The following MPP2 variants were observed in gnomAD, a reference collection of about 807,000 sequenced individuals.
MPP2 encodes the protein MAGUK p55 scaffold protein 2.
A neutral mutation model predicts 58.5 loss-of-function variants in MPP2; 42 were observed. That is an observed-to-expected ratio of 0.72 (90% CI 0.56 to 0.93). The LOEUF (loss-of-function observed/expected upper bound fraction) is 0.93. MPP2 is among the 40% of genes least tolerant of loss of function. The pLI is 0.00. For synonymous variants in MPP2, 300 were observed against 307.8 expected (o/e 0.97, Z 0.26); for missense variants, 632 against 760.4 (o/e 0.83, Z 1.99).
At chr17:43,907,453 C>CG in intron 1 of MPP2, 21 bp downstream of exon 1, 1 of 985,566 alleles carries the variant, frequency 1.0e-6, no homozygotes, top group South Asian at 4.7e-5. Context: ...GGAGCTGGCC[C>CG]GGGGGCCGGG....
chr17:43,885,122 CAA>C (rs540949072), intron 3 of MPP2, among the ~76,000 whole-genome samples: 35 of 60,476 alleles, frequency 5.8e-4, no homozygotes, highest in Admixed American at 1.0e-3. Context: ...AACTCCAGCT[CAA>C]AAAAAAAAAA....
chr17:43,901,498 C>T (rs2048095062), intron 2 of MPP2: 2 of 985,340 alleles, frequency 2.0e-6, no homozygotes, highest in Admixed American at 1.2e-4. Flanking sequence ...ATCTTGTGCC[C>T]AAGAGGCCAC....
chr17:43,909,487 A>G, upstream of MPP2: 1 of 1,109,588 alleles, frequency 9.0e-7, no homozygotes, highest in Non-Finnish European at 1.2e-6. Flanking sequence ...TTGGAAGAGG[A>G]AGGATCTTGA....
In MPP2 at chr17:43,879,967, T is replaced by A. The variant is rs760356782; in HGVS notation, c.1168A>T (p.Lys390Ter). The change falls in exon 11 of 13, where the codon AAA becomes TAA. Residue 390 changes from lysine (K) to a stop codon, truncating the protein, a stop_gained. Coordinates refer to ENST00000269095, the MANE Select transcript of MPP2 (RefSeq NM_005374.5). LOFTEE classifies it high-confidence loss of function. This position sits in a 1 kb window ranked among gnomAD's most constrained non-coding sequence, Gnocchi z 4.1. ...CCCTGACCTTCCCGCTCTGAGTCTT[T>A]CGGCCGCCGGGAGGTGTCTAGGGGG... ...TTVPYTSRRP[K>*]DSEREGQGYS... is the part of the protein sequence containing the mutation. The A allele has an allele frequency of 6.2e-7, 1 of 1,613,992 alleles. No individual in the cohort carries two copies. The highest frequency in any genetic ancestry group is 8.5e-7 in the Non-Finnish European group (1 of 1,179,962).
chr17:43,901,565 AT>A (rs2143774662), intron 2 of MPP2: 3 of 985,484 alleles, frequency 3.0e-6, no homozygotes, highest in Non-Finnish European at 3.6e-6. Flanking sequence ...ACCAGGTCGC[AT>A]TGCACCCCTG....
intron 1 of MPP2, among the ~76,000 whole-genome samples, 183 bp from the exon 2 acceptor site, chr17:43,904,676 C>T (rs531680768): frequency 3.8e-4 from 58 of 152,242 alleles, no homozygotes; most frequent in Non-Finnish European, 6.6e-4. Flanking sequence ...AGGTATTACT[C>T]GCCTATTTCT....
At chr17:43,889,487 C>T (rs1268143355) in intron 3 of MPP2, among the ~76,000 whole-genome samples, 1 of 151,606 alleles carries the variant, frequency 6.6e-6, no homozygotes, top group Non-Finnish European at 1.5e-5. Context: ...CTTAGCCTCT[C>T]GAGTAGCTGG....
chr17:43,880,706 C>A lies in MPP2; in HGVS notation c.1135G>T (p.Gly379Cys). 1 of 1,611,796 alleles carries A rather than the reference C, an allele frequency of 6.2e-7. No homozygotes were observed. The highest frequency in any genetic ancestry group is 8.5e-7 in the Non-Finnish European group (1 of 1,178,510). ...TCCCACTCACAGGGCACCGTGGTGC[C>A]ATAGCGATCTGGATCCCACATGATG... ...KLIMWDPDRY[G>C]TTVPYTSRRP... is the part of the protein sequence containing the mutation. The change falls in exon 10 of 13, where the codon GGC (glycine) becomes TGC (cysteine). Residue 379 changes from glycine to cysteine, a missense_variant. Gly to Cys is a radical substitution (Grantham distance 159). Coordinates refer to ENST00000269095, the MANE Select transcript of MPP2 (RefSeq NM_005374.5). The surrounding 1 kb of genome is among the most constrained non-coding windows in gnomAD (Gnocchi z 5.2).
intron 5 of MPP2, 33 bp downstream of exon 5, chr17:43,882,870 C>T (rs761333192): frequency 1.2e-6 from 2 of 1,612,550 alleles, no homozygotes; most frequent in South Asian, 1.1e-5. Flanking sequence ...CCCACCCTCA[C>T]CAGCACCACC....
chr17:43,906,451 C>T (rs1218984984), intron 1 of MPP2, among the ~76,000 whole-genome samples: 1 of 152,362 alleles, frequency 6.6e-6, no homozygotes, highest in East Asian at 1.9e-4. Flanking sequence ...AGCTCTGCCT[C>T]CGAGATATCC....
intron 2 of MPP2, chr17:43,900,419 G>A (rs1015710961): frequency 1.2e-5 from 18 of 1,537,526 alleles, no homozygotes; most frequent in African/African-American, 1.4e-5. Flanking sequence ...GCTGGAGGAA[G>A]GTAGGCTAAG....
At position 43,876,993 on chromosome 17, in the gene MPP2, A is replaced by G. The variant is rs11544389; in HGVS notation, c.*814T>C. ...AGAGCTTGGGGCTCTTCAGTTGGTAACAGCAGGTTGTCACAGGGCTCAGCC... is the reference window on the plus strand; with the variant it reads ...AGAGCTTGGGGCTCTTCAGTTGGTAGCAGCAGGTTGTCACAGGGCTCAGCC... On this transcript the variant is annotated 3_prime_UTR_variant, in exon 13 of 13. Transcript: ENST00000269095. The G allele has an allele frequency of 0.084, 12,864 of 152,602 alleles. 1,723 individuals carry two copies. Among genetic ancestry groups the G allele is most frequent in the African/African-American group, 0.28 (11,777 of 41,536 alleles). 9.5% of individuals were successfully genotyped at this position (152,602 alleles called of 1,614,324 possible).
At chr17:43,906,526 C>T (rs1486293718) in intron 1 of MPP2, among the ~76,000 whole-genome samples, 1 of 152,196 alleles carries the variant, frequency 6.6e-6, no homozygotes, top group Non-Finnish European at 1.5e-5. Context: ...CTTCCAACCT[C>T]CCACCCATCC....
At position 43,882,344 on chromosome 17, in the gene MPP2, G is replaced by A. The variant is rs2143564590; in HGVS notation, c.621C>T (p.Ala207=). 2 of 1,612,516 alleles carry A rather than the reference G, an allele frequency of 1.2e-6. No homozygotes were observed. The highest frequency in any genetic ancestry group is 1.1e-5 in the South Asian group (1 of 91,088). ...GGATCTTGAGGATGACACTGCCACT[G>A]GCATTGCGCAGGAGCTCCTGCAGTG... ...PRALQELLRN[A]SGSVILKILP... Residue 207 remains alanine, a synonymous_variant, in exon 6 of 13, where the codon GCC becomes GCT. Transcript: ENST00000269095.
intron 3 of MPP2, among the ~76,000 whole-genome samples, chr17:43,887,312 A>T (rs1174610350): frequency 6.6e-6 from 1 of 152,250 alleles, no homozygotes. Context: ...TGAACCCAGG[A>T]GATTGAGGCT....
intron 2 of MPP2, among the ~76,000 whole-genome samples, chr17:43,900,155 T>G (rs1015721050): frequency 6.6e-5 from 10 of 152,146 alleles, no homozygotes; most frequent in African/African-American, 2.4e-4. Flanking sequence ...GAAAAAAAAG[T>G]GCAAGCTTGC....
chr17:43,883,090 T>C (rs1193290608), intron 4 of MPP2, 38 bp from the exon 5 acceptor site: 4 of 1,584,954 alleles, frequency 2.5e-6, no homozygotes, highest in African/African-American at 1.3e-5. Context: ...AATGGGGCAG[T>C]GTCCCGGGTC....
At chr17:43,893,216 G>T (rs1249971741) in intron 3 of MPP2, among the ~76,000 whole-genome samples, 1 of 152,180 alleles carries the variant, frequency 6.6e-6, no homozygotes, top group Non-Finnish European at 1.5e-5. Context: ...GAGTCTCACT[G>T]TCTCACTGTG....
chr17:43,887,252 C>T (rs953467754), intron 3 of MPP2, among the ~76,000 whole-genome samples: 8 of 152,138 alleles, frequency 5.3e-5, no homozygotes, highest in African/African-American at 1.9e-4. Context: ...GTGGCATGCA[C>T]CTGATGTCCC....
Sources: gnomAD v4.1 joint callset for allele counts (sites outside exome capture counted in the v4.1 genomes callset) on GRCh38, gnomAD v4.1.1 for gene constraint, Gnocchi (gnomAD v3.1) non-coding constraint, MANE v1.5 for transcripts, NCBI Gene and HGNC (gene_info 2026-07-23, HGNC 2026-07-21) for gene names.